Variants in CAPN9 observed in about 807,000 individuals in gnomAD.
CAPN9 encodes calpain-9.
A neutral mutation model predicts 92.8 loss-of-function variants in CAPN9; 81 were observed. The observed-to-expected ratio is 0.87, with a 90% CI of 0.73 to 1.05. The LOEUF (loss-of-function observed/expected upper bound fraction) is 1.05. Among genes scored for constraint, CAPN9 ranks in the 50% least tolerant of loss-of-function variants. The probability of loss-of-function intolerance (pLI) is 0.00; values close to 1 mark genes in which losing one functional copy is unlikely to be tolerated. For missense variants in CAPN9, 848 were observed against 866.2 expected, an observed-to-expected ratio of 0.98 and a Z score of 0.26; for synonymous variants, 304 against 328.0, an observed-to-expected ratio of 0.93 and a Z score of 0.79.
At chr1:230,795,589 TA>T in intron 18 of CAPN9, 1 of 298,452 alleles carries the variant, frequency 3.4e-6, no homozygotes, top group East Asian at 8.7e-5. Context: ...AATCCCATCA[TA>T]GCATATAGAA....
intron 14 of CAPN9, 133 bp from the exon 15 acceptor site, chr1:230,791,731 G>A: frequency 1.6e-6 from 1 of 611,154 alleles, no homozygotes; most frequent in Non-Finnish European, 2.9e-6. Flanking sequence ...ACTCCTACCA[G>A]CATCATAAGA....
At chr1:230,778,351 T>C (rs1021456946) in intron 8 of CAPN9, among the ~76,000 whole-genome samples, 1 of 152,204 alleles carries the variant, frequency 6.6e-6, no homozygotes, top group African/African-American at 2.4e-5. Flanking sequence ...TAGCTGCCTC[T>C]CTGCTTCCAC....
chr1:230,765,035 G>A (rs1665884030), intron 4 of CAPN9, among the ~76,000 whole-genome samples: 1 of 152,098 alleles, frequency 6.6e-6, no homozygotes, highest in Admixed American at 6.5e-5. Context: ...TATGTCTCAA[G>A]TCTTGGTTTC....
chr1:230,768,938 T>C (rs947493289), intron 5 of CAPN9, among the ~76,000 whole-genome samples: 1 of 152,224 alleles, frequency 6.6e-6, no homozygotes, highest in Admixed American at 6.5e-5. Context: ...AATAGTGAAC[T>C]GTTCTTTGGA....
Position 230,791,845 on chromosome 1 carries a change from C to T in CAPN9, c.1658-19C>T, listed in dbSNP as rs766325333. On this transcript the variant is annotated intron_variant, in intron 14 of 19. Coordinates refer to ENST00000271971, the MANE Select transcript of CAPN9 (RefSeq NM_006615.3). ...ATCTTATCGGGTCAACTGAATTCAG[C>T]TTTCATGTGCAATTTCAGAAAAGGA... 11 of 1,606,604 alleles carry T rather than the reference C, an allele frequency of 6.8e-6. No homozygotes were observed. The East Asian group carries it at 1.8e-4, about 26-fold the overall frequency.
chr1:230,776,423 A>G (rs143028846), intron 8 of CAPN9: 2 of 152,282 alleles, frequency 1.3e-5, no homozygotes, highest in African/African-American at 4.8e-5. Context: ...GATTTACCCA[A>G]TGTTTTGCCA....
chr1:230,775,011 A>C (rs1572051740), intron 8 of CAPN9, among the ~76,000 whole-genome samples: 1 of 151,728 alleles, frequency 6.6e-6, no homozygotes, highest in African/African-American at 2.4e-5. Context: ...AAAGTGCTGG[A>C]ATTACAGGTA....
At chr1:230,765,813 T>C (rs1247173652) in intron 4 of CAPN9, among the ~76,000 whole-genome samples, 1 of 152,238 alleles carries the variant, frequency 6.6e-6, no homozygotes, top group African/African-American at 2.4e-5. Context: ...ATAAATTATG[T>C]TTATATTCCA....
intron 8 of CAPN9, among the ~76,000 whole-genome samples, chr1:230,775,748 C>G (rs1666716228): frequency 6.6e-6 from 1 of 151,968 alleles, no homozygotes; most frequent in African/African-American, 2.4e-5. Flanking sequence ...AAACCCCACC[C>G]CTGCTAAAAA....
intron 13 of CAPN9, among the ~76,000 whole-genome samples, chr1:230,788,750 G>A (rs1033110482): frequency 6.6e-6 from 1 of 152,162 alleles, no homozygotes. Flanking sequence ...GGTGAGGGGG[G>A]AAGGCAGTGG....
In CAPN9 at chr1:230,795,292, C is replaced by T. The variant is rs371517608; in HGVS notation, c.1987+13C>T. The T allele has an allele frequency of 2.7e-5, 42 of 1,561,860 alleles. No individual in the cohort carries two copies. Among genetic ancestry groups the T allele is most frequent in the African/African-American group, 4.1e-5 (3 of 73,972 alleles). ...GAGAATGCGAGCCGTAAGTGTCCAG[C>T]GAGGCTGAGGGTGCACCTCGGGGTG... On this transcript the variant is annotated intron_variant, in intron 18 of 19. Transcript: ENST00000271971.
intron 1 of CAPN9, 82 bp downstream of exon 1, chr1:230,747,791 G>C: frequency 8.0e-7 from 1 of 1,253,946 alleles, no homozygotes; most frequent in South Asian, 1.2e-5. Context: ...AGGGGTGCTG[G>C]GGAGGGGCCG....
At chr1:230,792,391 C>T (rs1275286303) in intron 15 of CAPN9, 35 bp from the exon 16 acceptor site, 5 of 1,594,328 alleles carry the variant, frequency 3.1e-6, no homozygotes, top group Admixed American at 1.7e-5. Flanking sequence ...CAGGTTGAAA[C>T]ACTGCTCATG....
intron 1 of CAPN9, among the ~76,000 whole-genome samples, chr1:230,754,523 T>C (rs1335188732): frequency 6.6e-6 from 1 of 151,140 alleles, no homozygotes; most frequent in African/African-American, 2.4e-5. Context: ...AAAGAAACAC[T>C]GAGCAGGGTG....
intron 1 of CAPN9, among the ~76,000 whole-genome samples, chr1:230,752,468 T>TAAAACA (rs1310039208): frequency 1.3e-5 from 2 of 152,210 alleles, no homozygotes; most frequent in East Asian, 1.9e-4. Flanking sequence ...CGATCTGGTT[T>TAAAACA]AAAACAAAAA....
At chr1:230,800,995 G>A (rs1668692208) in intron 19 of CAPN9, among the ~76,000 whole-genome samples, 2 of 152,282 alleles carry the variant, frequency 1.3e-5, no homozygotes, top group Non-Finnish European at 2.9e-5. Context: ...GGACAGAGAA[G>A]GGAGAAAAAA....
At chr1:230,768,621 A>G (rs1461472194) in intron 5 of CAPN9, among the ~76,000 whole-genome samples, 1 of 151,010 alleles carries the variant, frequency 6.6e-6, no homozygotes, top group Non-Finnish European at 1.5e-5. Flanking sequence ...AATTTTCTCT[A>G]TGCATACAAA....
At chr1:230,795,058 T>C (rs1668257307) in intron 17 of CAPN9, 105 bp from the exon 18 acceptor site, 1 of 715,482 alleles carries the variant, frequency 1.4e-6, no homozygotes, top group African/African-American at 1.8e-5. Context: ...AGTGGCTTCC[T>C]CTTCTGAGCC....
At position 230,795,614 on chromosome 1, in the gene CAPN9, A is replaced by G. The variant is rs368833503; in HGVS notation, c.1987+335A>G. 1.2e-5 allele frequency: 3 copies of G among 242,310 alleles called. No homozygotes were observed. In the East Asian group the frequency reaches 3.4e-4, roughly 27 times the overall value. 15.0% of individuals were successfully genotyped at this position (242,310 alleles called of 1,614,324 possible). On this transcript the variant is annotated intron_variant, in intron 18 of 19. Coordinates refer to ENST00000271971, the MANE Select transcript of CAPN9 (RefSeq NM_006615.3). ...TAGCATATAGAAACAGGAGAGTCTC[A>G]GTCCCCCTTCCTCCCCCCTTCCCCG...
Sources: gnomAD v4.1 joint callset for allele counts (sites outside exome capture counted in the v4.1 genomes callset) on GRCh38, gnomAD v4.1.1 for gene constraint, MANE v1.5 for transcripts, NCBI Gene and HGNC (gene_info 2026-07-23, HGNC 2026-07-21) for gene names.